KIAA0825: variants seen among roughly 807,000 people sequenced by gnomAD.
KIAA0825 encodes the protein KIAA0825, also known as uncharacterized protein KIAA0825.
A neutral mutation model predicts 147.6 loss-of-function variants in KIAA0825; 119 were observed. The observed-to-expected ratio is 0.81, with a 90% CI of 0.69 to 0.94. The LOEUF is 0.94. Among genes scored for constraint, KIAA0825 ranks in the 40% least tolerant of loss-of-function variants. The pLI is 0.00. For missense variants in KIAA0825, 1,381 were observed against 1,472.7 expected (o/e 0.94, Z 1.02); for synonymous variants, 470 against 518.1 (o/e 0.91, Z 1.26).
At chr5:94,485,606 A>G (rs932076124) in intron 5 of KIAA0825, among the ~76,000 whole-genome samples, 2 of 151,680 alleles carry the variant, frequency 1.3e-5, no homozygotes, top group Non-Finnish European at 3.0e-5. Context: ...TTTCAGTTCA[A>G]GAAAAAATAA....
chr5:94,290,135 G>GA (rs1777822626), intron 20 of KIAA0825, among the ~76,000 whole-genome samples: 4 of 151,966 alleles, frequency 2.6e-5, no homozygotes, highest in Admixed American at 2.0e-4. Context: ...ATTCTTGGTA[G>GA]AAAAAATTGT....
intron 20 of KIAA0825, among the ~76,000 whole-genome samples, chr5:94,267,533 G>A (rs1204143128): frequency 6.6e-6 from 1 of 152,006 alleles, no homozygotes; most frequent in African/African-American, 2.4e-5. Context: ...CCCACTCAGT[G>A]GTAAGTTAAT....
intron 20 of KIAA0825, among the ~76,000 whole-genome samples, chr5:94,158,310 A>C (rs377289181): frequency 2.6e-5 from 4 of 152,138 alleles, no homozygotes; most frequent in African/African-American, 7.2e-5. Flanking sequence ...TAAAGCCTAA[A>C]ATATTTACTA....
rs2052851 is a variant in KIAA0825 at position 94,407,722 on chromosome 5, G to A, written c.2663-3929C>T. ...AATGGGTACAGGGTTTCTTTTTGGC[G>A]TGATTAAAATGGTCTAAAATTAAAT... is the stretch of plus-strand genomic sequence containing the variant. On this transcript the variant is annotated intron_variant, in intron 15 of 20. Transcript: ENST00000682413. Among the ~76,000 whole-genome samples, 42 of 152,240 alleles carry A rather than the reference G, an allele frequency of 2.8e-4. No individual in the cohort carries two copies. The East Asian group carries it at 6.6e-3, about 24-fold the overall frequency.
At chr5:94,447,239 A>G (rs902214694) in intron 13 of KIAA0825, among the ~76,000 whole-genome samples, 17 of 152,140 alleles carry the variant, frequency 1.1e-4, no homozygotes, top group African/African-American at 3.9e-4. Context: ...GATTAAAATT[A>G]ATGATATGGA....
intron 20 of KIAA0825, among the ~76,000 whole-genome samples, chr5:94,324,617 G>C (rs1780506166): frequency 6.6e-6 from 1 of 151,844 alleles, no homozygotes; most frequent in Non-Finnish European, 1.5e-5. Context: ...TTTAAATCCT[G>C]TTTTCCCCTT....
At chr5:94,455,198 C>CA (rs1177228074) in intron 12 of KIAA0825, among the ~76,000 whole-genome samples, 7 of 150,782 alleles carry the variant, frequency 4.6e-5, no homozygotes, top group East Asian at 1.9e-4. Context: ...AACCCCCCGC[C>CA]AAAAAAAAGG....
At chr5:94,346,934 G>A (rs750191611) in intron 20 of KIAA0825, among the ~76,000 whole-genome samples, 1 of 152,148 alleles carries the variant, frequency 6.6e-6, no homozygotes, top group Non-Finnish European at 1.5e-5. Context: ...AAGCCTGTAT[G>A]ACTCTGCCTG....
intron 14 of KIAA0825, among the ~76,000 whole-genome samples, chr5:94,427,942 CTT>C (rs749897592): frequency 3.9e-5 from 6 of 152,102 alleles, no homozygotes; most frequent in Non-Finnish European, 7.4e-5. Flanking sequence ...CAATTGAACT[CTT>C]TGTCATTATG....
intron 20 of KIAA0825, among the ~76,000 whole-genome samples, chr5:94,375,179 A>G (rs1298745350): frequency 6.6e-6 from 1 of 151,624 alleles, no homozygotes; most frequent in Admixed American, 6.6e-5. Flanking sequence ...CTACAGACAC[A>G]TGCCACTATG....
chr5:94,570,136 C>G (rs1779653509), intron 2 of KIAA0825: 1 of 152,406 alleles, frequency 6.6e-6, no homozygotes, highest in Admixed American at 6.5e-5. Context: ...ACCTTCTATT[C>G]CTACACGAAA....
At chr5:94,566,663 G>A (rs1287164844) in intron 2 of KIAA0825, among the ~76,000 whole-genome samples, 1 of 151,742 alleles carries the variant, frequency 6.6e-6, no homozygotes, top group Admixed American at 6.6e-5. Flanking sequence ...ATTTTTCCAA[G>A]TTTCATTTTA....
Position 94,462,570 on chromosome 5 carries a change from C to G in KIAA0825, c.2064-1G>C. On this transcript the variant is annotated splice_acceptor_variant, in intron 11 of 20. Coordinates refer to ENST00000682413, the MANE Select transcript of KIAA0825 (RefSeq NM_001145678.3). LOFTEE classifies it high-confidence loss of function. The stretch of plus-strand genomic sequence containing the variant: ...TATCAAAATTGTTGTGACATCAAGT[C>G]TGTTGGAAAGAAAGAAAAGAAAATC... The G allele has an allele frequency of 6.7e-7, 1 of 1,482,434 alleles. No homozygotes were observed. The highest frequency in any genetic ancestry group is 1.4e-5 in the South Asian group (1 of 72,620). The allele number at this position is 1,482,434 out of a possible 1,614,324, so 91.8% of individuals were successfully genotyped here. A position where few individuals can be genotyped will look rare whatever the true frequency, so the allele number is the denominator to read the frequency against.
intron 2 of KIAA0825, among the ~76,000 whole-genome samples, chr5:94,563,688 T>C (rs1037545747): frequency 1.3e-5 from 2 of 152,194 alleles, no homozygotes; most frequent in Non-Finnish European, 2.9e-5. Flanking sequence ...TTTTTAAATT[T>C]TTTTTATGTT....
intron 5 of KIAA0825, 79 bp from the exon 6 acceptor site, chr5:94,485,009 A>G (rs1420920023): frequency 3.0e-6 from 3 of 1,001,912 alleles, no homozygotes; most frequent in African/African-American, 3.3e-5. Flanking sequence ...GTGTGATTCC[A>G]TAAACCATAT....
chr5:94,477,523 ATTAGT>A (rs1762027925), intron 6 of KIAA0825, among the ~76,000 whole-genome samples: 3 of 152,056 alleles, frequency 2.0e-5, no homozygotes, highest in South Asian at 4.1e-4. Context: ...GATTTTTGTC[ATTAGT>A]TTATTTTCAG....
At chr5:94,446,736 G>A (rs1757776688) in intron 13 of KIAA0825, among the ~76,000 whole-genome samples, 1 of 152,130 alleles carries the variant, frequency 6.6e-6, no homozygotes, top group Admixed American at 6.6e-5. Context: ...GTGAATTCAT[G>A]GAAGGTAAGC....
At chr5:94,194,719 C>T (rs2150008345) in intron 20 of KIAA0825, among the ~76,000 whole-genome samples, 1 of 152,314 alleles carries the variant, frequency 6.6e-6, no homozygotes, top group African/African-American at 2.4e-5. Context: ...ATTCCCCTAA[C>T]CTAAATCCTT....
chr5:94,603,112 C>T (rs1270267364), intron 1 of KIAA0825, among the ~76,000 whole-genome samples: 1 of 152,052 alleles, frequency 6.6e-6, no homozygotes, highest in East Asian at 1.9e-4. Flanking sequence ...CAGGTGTGAG[C>T]CACTGCATCT....
Sources: gnomAD v4.1 joint callset for allele counts (sites outside exome capture counted in the v4.1 genomes callset) on GRCh38, gnomAD v4.1.1 for gene constraint, MANE v1.5 for transcripts, NCBI Gene and HGNC (gene_info 2026-07-23, HGNC 2026-07-21) for gene names.